The following SERPINF1 variants were observed in gnomAD, a reference collection of about 807,000 sequenced individuals.
SERPINF1 encodes serpin family F member 1.
SERPINF1 carries 29 observed loss-of-function variants against 37.3 expected under a neutral mutation model. The observed-to-expected ratio is 0.78, with a 90% CI of 0.58 to 1.06. SERPINF1 has a LOEUF of 1.06. Among genes scored for constraint, SERPINF1 ranks in the 50% least tolerant of loss-of-function variants. The pLI is 0.00. For synonymous variants in SERPINF1, 281 were observed against 227.9 expected (o/e 1.23, Z -2.10); for missense variants, 553 against 532.2 (o/e 1.04, Z -0.38).
intron 2 of SERPINF1, among the ~76,000 whole-genome samples, chr17:1,768,700 C>T (rs1907539728): frequency 6.6e-6 from 1 of 152,088 alleles, no homozygotes; most frequent in Middle Eastern, 3.4e-3. Context: ...TGGTCTGAAA[C>T]TCCTGAGCTC....
intron 2 of SERPINF1, among the ~76,000 whole-genome samples, chr17:1,767,880 C>T (rs1907479745): frequency 6.6e-6 from 1 of 152,220 alleles, no homozygotes; most frequent in African/African-American, 2.4e-5. Context: ...CAAACACCTA[C>T]TCGACAGGGG....
intron 1 of SERPINF1, among the ~76,000 whole-genome samples, chr17:1,764,539 G>A (rs775744081): frequency 6.6e-6 from 1 of 152,250 alleles, no homozygotes; most frequent in Non-Finnish European, 1.5e-5. Flanking sequence ...GGCTCGAGGC[G>A]GGGTTTAGAA....
chr17:1,763,400 A>G (rs1238589293), intron 1 of SERPINF1, among the ~76,000 whole-genome samples: 2 of 152,228 alleles, frequency 1.3e-5, no homozygotes, highest in South Asian at 2.1e-4. Flanking sequence ...TTGGCCCAGC[A>G]GGGAGGGTAT....
At chr17:1,776,928 A>T (rs935787734) in intron 7 of SERPINF1, among the ~76,000 whole-genome samples, 186 bp downstream of exon 7, 1 of 151,368 alleles carries the variant, frequency 6.6e-6, no homozygotes, top group East Asian at 2.0e-4. Context: ...CTCATTCCTC[A>T]GCCTCACGAG....
In SERPINF1 at chr17:1,766,986, C is replaced by G; in HGVS notation, c.76C>G (p.Pro26Ala). Residue 26 changes from proline to alanine, a missense_variant, in exon 2 of 8, where the codon CCG becomes GCG. By Grantham distance (27) the Pro-to-Ala change is conservative. Transcript: ENST00000254722. Reference protein sequence around the residue: ...HSSCQNPASPPEEGSPDPDST... With the variant: ...HSSCQNPASPAEEGSPDPDST... ...CAGCTGCCAGAACCCTGCCAGCCCC[C>G]CGGAGGAGGTCAGTAGGCAGGCGGG... 1.3e-6 allele frequency: 2 copies of G among 1,554,544 alleles called. No individual in the cohort carries two copies. Among genetic ancestry groups the G allele is most frequent in the South Asian group, 1.2e-5 (1 of 84,246 alleles).
At chr17:1,762,627 AC>A (rs1488182461) in intron 1 of SERPINF1, among the ~76,000 whole-genome samples, 1 of 152,200 alleles carries the variant, frequency 6.6e-6, no homozygotes, top group Non-Finnish European at 1.5e-5. Context: ...ATTTCCCAGC[AC>A]CACCAAACCG....
At position 1,770,001 on chromosome 17, in the gene SERPINF1, G is replaced by A; in HGVS notation, c.234G>A (p.Val78=). 1 of 1,614,156 alleles carries A rather than the reference G, an allele frequency of 6.2e-7. No homozygotes were observed. The part of the protein sequence containing the change: ...VRSSTSPTTN[V]LLSPLSVATA... ...CCAGCACGAGCCCCACGACCAACGT[G>A]CTCCTGTCTCCTCTCAGTGTGGCCA... The change falls in exon 3 of 8, where the codon GTG becomes GTA. Residue 78 remains valine, a synonymous_variant. Transcript: ENST00000254722.
At chr17:1,770,103 G>A in intron 3 of SERPINF1, 53 bp downstream of exon 3, 1 of 1,593,674 alleles carries the variant, frequency 6.3e-7, no homozygotes, top group Non-Finnish European at 8.6e-7. Flanking sequence ...GCCCCCTGTG[G>A]CCTCTGCGTA....
chr17:1,766,769 G>A, intron 1 of SERPINF1, 134 bp from the exon 2 acceptor site: 2 of 778,704 alleles, frequency 2.6e-6, no homozygotes, highest in South Asian at 3.2e-5. Flanking sequence ...GGTGAGGGGT[G>A]GTCGCTGCAG....
intron 6 of SERPINF1, 102 bp from the exon 7 acceptor site, chr17:1,776,430 A>C: frequency 9.8e-7 from 1 of 1,020,112 alleles, no homozygotes; most frequent in Non-Finnish European, 1.5e-6. Flanking sequence ...GAAGGACGAG[A>C]CCAGGGCCCC....
intron 6 of SERPINF1, among the ~76,000 whole-genome samples, chr17:1,775,547 C>CTTTTT (rs148801713): frequency 1.7e-4 from 25 of 142,976 alleles, no homozygotes; most frequent in African/African-American, 6.3e-4. Context: ...TCGTTGGCAT[C>CTTTTT]TTTTTTTTTT....
Position 1,771,912 on chromosome 17 carries a change from G to C in SERPINF1, c.480G>C (p.Lys160Asn). The change falls in exon 5 of 8, where the codon AAG (lysine) becomes AAC (asparagine). Residue 160 changes from lysine to asparagine, a missense_variant. By Grantham distance (94) the Lys-to-Asn change is moderately conservative (BLOSUM62 0). Coordinates refer to ENST00000254722, the MANE Select transcript of SERPINF1 (RefSeq NM_002615.7). ...IKSSFVAPLE[K>N]SYGTRPRVLT... ...CCAGCTTTGTGGCACCTCTGGAAAA[G>C]TCATATGGGACCAGGCCCAGAGTCC... The C allele has an allele frequency of 6.2e-7, 1 of 1,613,962 alleles. No homozygotes were observed. Among genetic ancestry groups the C allele is most frequent in the African/African-American group, 1.3e-5 (1 of 75,048 alleles).
At chr17:1,775,331 G>A in intron 6 of SERPINF1, 131 bp downstream of exon 6, 1 of 925,012 alleles carries the variant, frequency 1.1e-6, no homozygotes, top group East Asian at 2.5e-5. Flanking sequence ...GTGACTTTGA[G>A]CAGGTTAATA....
At chr17:1,768,783 T>TTTTATA (rs1191998825) in intron 2 of SERPINF1, among the ~76,000 whole-genome samples, 1 of 150,144 alleles carries the variant, frequency 6.7e-6, no homozygotes, top group Admixed American at 6.7e-5. Context: ...GGCTCCCAAT[T>TTTTATA]TTTATATTTA....
intron 6 of SERPINF1, 60 bp downstream of exon 6, chr17:1,775,260 C>T: frequency 6.4e-7 from 1 of 1,552,378 alleles, no homozygotes; most frequent in Non-Finnish European, 8.8e-7. Context: ...AGAAGCAAAA[C>T]AGGGTAGTGG....
rs750677344 is a variant in SERPINF1, at chr17:1,769,923, C to T, written c.156C>T (p.Asn52=). The change falls in exon 3 of 8, where the codon AAC becomes AAT. Residue 52 remains asparagine (N), a synonymous_variant. Coordinates refer to ENST00000254722, the MANE Select transcript of SERPINF1 (RefSeq NM_002615.7). ...ATCCTTTCTTCAAAGTCCCCGTGAA[C>T]AAGCTGGCAGCGGCTGTCTCCAACT... The part of the protein sequence containing the change: ...EEDPFFKVPV[N]KLAAAVSNFG... The T allele has an allele frequency of 8.1e-6, 13 of 1,614,222 alleles. No homozygotes were observed. In the South Asian group the frequency reaches 1.4e-4, roughly 18 times the overall value.
Position 1,776,723 on chromosome 17 carries a change from C to G in SERPINF1, c.978C>G (p.Thr326=). 1 of 1,612,896 alleles carries G rather than the reference C, an allele frequency of 6.2e-7. No homozygotes were observed. The highest frequency in any genetic ancestry group is 8.5e-7 in the Non-Finnish European group (1 of 1,179,558). Reference sequence around the variant, plus strand: ...AGCTGAGTTATGAAGGCGAAGTCACCAAGTCCCTGCAGGAGATGAGTATGT... The same window carrying G: ...AGCTGAGTTATGAAGGCGAAGTCACGAAGTCCCTGCAGGAGATGAGTATGT... The part of the protein sequence containing the change: ...KLKLSYEGEV[T]KSLQEMKLQS... Residue 326 remains threonine, a synonymous_variant, in exon 7 of 8, where the codon ACC becomes ACG. Coordinates refer to ENST00000254722, the MANE Select transcript of SERPINF1 (RefSeq NM_002615.7).
In SERPINF1 at chr17:1,775,181, A is replaced by G. The variant is rs1379327807; in HGVS notation, c.767A>G (p.Asp256Gly). 1 of 1,605,526 alleles carries G rather than the reference A, an allele frequency of 6.2e-7. No individual in the cohort carries two copies. Among genetic ancestry groups the G allele is most frequent in the South Asian group, 1.1e-5 (1 of 91,016 alleles). ...DPKAVLRYGL[D>G]SDLSCKIAQL... The stretch of plus-strand genomic sequence containing the variant: ...AAGGCTGTTTTACGCTATGGCTTGG[A>G]TTCAGATCTCAGCTGCAAGGTCTGT... The change falls in exon 6 of 8, where the codon GAT becomes GGT. Residue 256 changes from aspartate to glycine, a missense_variant. Coordinates refer to ENST00000254722, the MANE Select transcript of SERPINF1 (RefSeq NM_002615.7).
At chr17:1,771,609 C>A in intron 4 of SERPINF1, 1 of 524,760 alleles carries the variant, frequency 1.9e-6, no homozygotes, top group Non-Finnish European at 3.5e-6. Flanking sequence ...CCCGTGAGCC[C>A]AAAGAGGCTC....
Sources: allele counts gnomAD v4.1 joint callset (sites outside exome capture counted in the v4.1 genomes callset), GRCh38; gene constraint gnomAD v4.1.1; transcripts MANE v1.5; gene names NCBI Gene and HGNC (gene_info 2026-07-23, HGNC 2026-07-21).